The following CUX1 variants were observed in gnomAD, a reference collection of about 807,000 sequenced individuals.
CUX1 encodes protein CASP.
A neutral mutation model predicts 158.8 loss-of-function variants in CUX1; 31 were observed. That is an observed-to-expected ratio of 0.20 (90% CI 0.15 to 0.26). CUX1 has a LOEUF of 0.26. Ranked by LOEUF, CUX1 falls within the 10% of genes least tolerant of loss-of-function variation. CUX1 has a pLI of 1.00. For synonymous variants in CUX1, 879 were observed against 862.1 expected (o/e 1.02, Z -0.34); for missense variants, 1,589 against 2,014.6 (o/e 0.79, Z 4.04).
At chr7:102,069,567 G>C (rs406012) in intron 3 of CUX1, among the ~76,000 whole-genome samples, 127,367 of 152,114 alleles carry the variant, frequency 0.84, 53,464 homozygotes, top group East Asian at 0.99. Context: ...TGGCCAACAT[G>C]ATAAAACCTC....
Position 102,129,438 on chromosome 7 carries a change from C to A in CUX1, c.674+14165C>A, listed in dbSNP as rs1252636150. ...GTGGCTCACCTCTGTAATCCCAGCA[C>A]TTTGGGAGGCCAAGATGGGCAGATC... On this transcript the variant is annotated intron_variant, in intron 8 of 23. Transcript: ENST00000292535. Among the ~76,000 whole-genome samples, 8 of 152,274 alleles carry A rather than the reference C, an allele frequency of 5.3e-5. No homozygotes were observed. In the East Asian group the frequency reaches 1.4e-3, roughly 26 times the overall value.
In CUX1 at chr7:102,256,971, T is replaced by G; in HGVS notation, c.*7929T>G. On this transcript the variant is annotated 3_prime_UTR_variant, in exon 24 of 24. Coordinates refer to ENST00000292535, the MANE Select transcript of CUX1 (RefSeq NM_181552.4). ...GCTTGAGGGCTCACCTAGGAGATCA[T>G]AGGCAGAGGGCCCCTTTCCCCTATA... 1 of 985,454 alleles carries G rather than the reference T, an allele frequency of 1.0e-6. No homozygotes were observed. Among genetic ancestry groups the G allele is most frequent in the Non-Finnish European group, 1.2e-6 (1 of 829,946 alleles). The allele number at this position is 985,454 out of a possible 1,614,324, so 61.0% of individuals were successfully genotyped here. A position where few individuals can be genotyped will look rare whatever the true frequency, so the allele number is the denominator to read the frequency against.
intron 2 of CUX1, among the ~76,000 whole-genome samples, chr7:102,021,807 C>T (rs964378685): frequency 3.3e-5 from 5 of 152,008 alleles, no homozygotes; most frequent in African/African-American, 9.7e-5. Flanking sequence ...GTGATCTGCC[C>T]GCTTCAGCCT....
At chr7:101,827,980 T>G (rs1430651124) in intron 1 of CUX1, among the ~76,000 whole-genome samples, 8 of 148,504 alleles carry the variant, frequency 5.4e-5, no homozygotes, top group African/African-American at 1.7e-4. Context: ...CTTGTTTTTT[T>G]TTTTTTTTTT....
chr7:102,183,365 G>A (rs782220040), intron 11 of CUX1, among the ~76,000 whole-genome samples: 24 of 151,444 alleles, frequency 1.6e-4, no homozygotes, highest in African/African-American at 3.6e-4. Context: ...GCACATGCCC[G>A]TTGTCCCAGC....
chr7:102,204,296 G>A (rs1248399235), intron 18 of CUX1, 95 bp from the exon 19 acceptor site: 32 of 1,498,554 alleles, frequency 2.1e-5, no homozygotes, highest in African/African-American at 5.5e-5. Flanking sequence ...AGCCCTAGAC[G>A]CGCCCTCTGC....
rs554861324 is a variant in CUX1, at chr7:102,162,131, G to A, written c.723+3523G>A. On this transcript the variant is annotated intron_variant, in intron 9 of 23. Coordinates refer to ENST00000292535, the MANE Select transcript of CUX1 (RefSeq NM_181552.4). The stretch of plus-strand genomic sequence containing the variant: ...GGAATCTGGGACGCGAAAAGATAAG[G>A]GGGAAGGGTCATGGGGGCATTTGTG... 4.1e-4 allele frequency among the ~76,000 whole-genome samples: 62 copies of A among 152,140 alleles called. 2 individuals are homozygous for A. The South Asian group carries it at 0.012, about 29-fold the overall frequency.
At chr7:102,043,978 C>T in intron 3 of CUX1, among the ~76,000 whole-genome samples, 1 of 151,992 alleles carries the variant, frequency 6.6e-6, no homozygotes, top group East Asian at 1.9e-4. Context: ...ACCTGTCAGC[C>T]GTTTGCATGT....
Position 102,132,308 on chromosome 7 carries a change from TGCGCGC to T in CUX1, c.674+17046_674+17051del, listed in dbSNP as rs369163250. On this transcript the variant is annotated intron_variant, in intron 8 of 23. Transcript: ENST00000292535. Reference sequence around the variant, plus strand: ...GAGAGAGAGAGTGTGTGTGTGTGTGTGCGCGCGCGCGCGCGCACGCCACGCACACAC... The same window carrying T: ...GAGAGAGAGAGTGTGTGTGTGTGTGTGCGCGCGCGCACGCCACGCACACAC... Among the ~76,000 whole-genome samples, 65 of 57,092 alleles carry T rather than the reference TGCGCGC, an allele frequency of 1.1e-3. 3 individuals are homozygous for T. The highest frequency in any genetic ancestry group is 2.7e-3 in the Non-Finnish European group (60 of 22,580). The allele number at this position is 57,092 out of a possible 152,430, so 37.5% of individuals were successfully genotyped here.
chr7:102,242,205 C>CTTTTTTTTTTTTT (rs67514665), intron 23 of CUX1, among the ~76,000 whole-genome samples: 32 of 93,018 alleles, frequency 3.4e-4, no homozygotes, highest in African/African-American at 5.1e-4. Context: ...TTCTTTCTTT[C>CTTTTTTTTTTTTT]TTTTTTTTTT....
At chr7:102,166,995 C>T (rs527868682) in intron 9 of CUX1, among the ~76,000 whole-genome samples, 2 of 152,204 alleles carry the variant, frequency 1.3e-5, no homozygotes, top group South Asian at 2.1e-4. Flanking sequence ...AGGCCGGGCG[C>T]GGTGGCTCAC....
At position 102,046,569 on chromosome 7, in the gene CUX1, A is replaced by ATTTTTTTTT. The variant is rs55753644; in HGVS notation, c.189+18443_189+18451dup. Among the ~76,000 whole-genome samples, 488 of 55,452 alleles carry ATTTTTTTTT rather than the reference A, an allele frequency of 8.8e-3. 56 individuals carry two copies. Among genetic ancestry groups the ATTTTTTTTT allele is most frequent in the African/African-American group, 0.031 (381 of 12,196 alleles). 36.4% of individuals were successfully genotyped at this position (55,452 alleles called of 152,430 possible). A position where few individuals can be genotyped will look rare whatever the true frequency, so the allele number is the denominator to read the frequency against. ...CCTGTTCTGTTTTGGTTTGGTTTGGATTTTTTTTTTTTTTTTTTTTTTTTT... is the reference window on the plus strand; with the variant it reads ...CCTGTTCTGTTTTGGTTTGGTTTGGATTTTTTTTTTTTTTTTTTTTTTTTTTTTTTTTTT... On this transcript the variant is annotated intron_variant, in intron 3 of 23. Transcript: ENST00000292535.
chr7:102,167,387 C>G (rs544299509), intron 9 of CUX1, among the ~76,000 whole-genome samples: 1 of 152,324 alleles, frequency 6.6e-6, no homozygotes, highest in Non-Finnish European at 1.5e-5. Context: ...GGTATCCGCT[C>G]TGAACGGCTA....
At chr7:102,168,643 CAAAA>C (rs1167424159) in intron 9 of CUX1, among the ~76,000 whole-genome samples, 1 of 75,662 alleles carries the variant, frequency 1.3e-5, no homozygotes, top group African/African-American at 5.0e-5. Context: ...GGCTCTGTCT[CAAAA>C]AAAAAAAAAA....
intron 3 of CUX1, among the ~76,000 whole-genome samples, chr7:102,047,678 AATC>A (rs1370674841): frequency 6.6e-6 from 1 of 152,172 alleles, no homozygotes; most frequent in Non-Finnish European, 1.5e-5. Context: ...CCTGGAGTAA[AATC>A]ATCCAACTTG....
intron 19 of CUX1, 94 bp downstream of exon 19, chr7:102,204,650 G>A: frequency 4.7e-6 from 7 of 1,496,854 alleles, no homozygotes; most frequent in Non-Finnish European, 6.3e-6. Flanking sequence ...GAGGGAGGAG[G>A]GAACTCCGCC....
At chr7:102,086,415 T>G (rs1369742439) in intron 4 of CUX1, among the ~76,000 whole-genome samples, 1 of 152,168 alleles carries the variant, frequency 6.6e-6, no homozygotes, top group Non-Finnish European at 1.5e-5. Flanking sequence ...TCTTTTGAAT[T>G]TATCAAAAGT....
At chr7:102,144,237 T>C (rs1406295524) in intron 8 of CUX1, among the ~76,000 whole-genome samples, 1 of 152,204 alleles carries the variant, frequency 6.6e-6, no homozygotes, top group Non-Finnish European at 1.5e-5. Flanking sequence ...AGTGCACGCT[T>C]TACAATTAAT....
At position 102,201,308 on chromosome 7, in the gene CUX1, C is replaced by T. The variant is rs146566285; in HGVS notation, c.2063-52C>T. ...TCAAGTTAGGATGAGAAGCATGTCC[C>T]CAGCTGAAGGGGGCCGCCCTGCCAC... On this transcript the variant is annotated intron_variant, in intron 17 of 23. Coordinates refer to ENST00000292535, the MANE Select transcript of CUX1 (RefSeq NM_181552.4). This position sits in a 1 kb window ranked among gnomAD's most constrained non-coding sequence, Gnocchi z 5.0. 4.6e-5 allele frequency: 72 copies of T among 1,579,398 alleles called. No individual in the cohort carries two copies. The highest frequency in any genetic ancestry group is 1.7e-6 in the Non-Finnish European group (2 of 1,162,012).
Sources: gnomAD v4.1 joint callset for allele counts (sites outside exome capture counted in the v4.1 genomes callset) on GRCh38, gnomAD v4.1.1 for gene constraint, Gnocchi (gnomAD v3.1) non-coding constraint, MANE v1.5 for transcripts, NCBI Gene and HGNC (gene_info 2026-07-23, HGNC 2026-07-21) for gene names.